Variants in PARP15 observed in about 807,000 individuals in gnomAD.
PARP15 encodes protein mono-ADP-ribosyltransferase PARP15.
PARP15 carries 50 observed loss-of-function variants against 62.1 expected under a neutral mutation model. The observed-to-expected ratio is 0.81, with a 90% CI of 0.64 to 1.02. The LOEUF is 1.02. PARP15 is among the 50% of genes least tolerant of loss of function. The probability of loss-of-function intolerance (pLI) is 0.00; values close to 1 mark genes in which losing one functional copy is unlikely to be tolerated. For missense variants in PARP15, 820 were observed against 826.5 expected (o/e 0.99, Z 0.10); for synonymous variants, 309 against 293.1 (o/e 1.05, Z -0.55).
At chr3:122,612,368 CTTT>C (rs111945019) in intron 3 of PARP15, among the ~76,000 whole-genome samples, 1 of 143,886 alleles carries the variant, frequency 6.9e-6, no homozygotes, top group Non-Finnish European at 1.5e-5. Flanking sequence ...TATTCTCTCT[CTTT>C]TTTTTTTTTT....
chr3:122,615,825 A>G lies in PARP15; in HGVS notation c.818A>G (p.Lys273Arg). ...AACTGGTCAAGAATAAATCCCAACA[A>G]GGCCAGGATTCCCATGGCAGGAGAT... ...FTNWSRINPNKARIPMAGDTQ... is the reference protein window; with the variant it reads ...FTNWSRINPNRARIPMAGDTQ... The change falls in exon 5 of 12, where the codon AAG becomes AGG. Residue 273 changes from lysine (K) to arginine (R), a missense_variant. Physicochemically the swap from Lys to Arg is conservative, Grantham distance 26. Around this residue, in one of 3 missense-constraint regions of PARP15, gnomAD observed 731 missense variants for 727.7 expected, o/e 1.00. Coordinates refer to ENST00000464300, the MANE Select transcript of PARP15 (RefSeq NM_001113523.3). The G allele has an allele frequency of 3.1e-6, 5 of 1,613,626 alleles. No homozygotes were observed. Among genetic ancestry groups the G allele is most frequent in the Non-Finnish European group, 4.2e-6 (5 of 1,179,724 alleles).
chr3:122,582,877 T>G (rs1364742551), intron 1 of PARP15, among the ~76,000 whole-genome samples: 2 of 152,148 alleles, frequency 1.3e-5, no homozygotes, highest in East Asian at 1.9e-4. Flanking sequence ...TAAATTTCAC[T>G]TGTCTTTTGT....
At chr3:122,630,235 G>A (rs1936987456) in intron 9 of PARP15, among the ~76,000 whole-genome samples, 1 of 152,160 alleles carries the variant, frequency 6.6e-6, no homozygotes, top group South Asian at 2.1e-4. Context: ...GTATTCCTGG[G>A]ACTCTGTTTT....
intron 6 of PARP15, among the ~76,000 whole-genome samples, chr3:122,619,165 C>T (rs979241879): frequency 1.3e-5 from 2 of 152,150 alleles, no homozygotes; most frequent in African/African-American, 4.8e-5. Context: ...GAGGGAAGTG[C>T]CATATTAGCC....
At chr3:122,588,122 AT>A (rs1327271683) in intron 1 of PARP15, among the ~76,000 whole-genome samples, 4 of 152,266 alleles carry the variant, frequency 2.6e-5, no homozygotes, top group African/African-American at 9.6e-5. Context: ...CTTTTTAAAA[AT>A]ATCTACATTT....
intron 1 of PARP15, chr3:122,594,486 G>A (rs1448788360): frequency 2.2e-6 from 2 of 929,598 alleles, no homozygotes; most frequent in African/African-American, 3.6e-5. Flanking sequence ...GGTAACTGTT[G>A]ATCCTGTTCC....
rs531771293 is a variant in PARP15, at chr3:122,599,259, T to A, written c.187-6677T>A. On this transcript the variant is annotated intron_variant, in intron 1 of 11. Coordinates refer to ENST00000464300, the MANE Select transcript of PARP15 (RefSeq NM_001113523.3). ...GGCACATGGCTGTGCTCCCATCTAC[T>A]TGGGAAGCCGAGGTGAGAGGAAGAT... is the stretch of plus-strand genomic sequence containing the variant. 5.3e-5 allele frequency among the ~76,000 whole-genome samples: 8 copies of A among 152,260 alleles called. No homozygotes were observed. In the East Asian group the frequency reaches 1.5e-3, roughly 29 times the overall value.
intron 4 of PARP15, 167 bp from the exon 5 acceptor site, chr3:122,615,612 A>G: frequency 7.0e-7 from 1 of 1,422,266 alleles, no homozygotes; most frequent in Non-Finnish European, 9.5e-7. Context: ...TTTGTGGAGA[A>G]AATTCCTAGG....
In PARP15 at chr3:122,632,197, G is replaced by C. The variant is rs1937098143; in HGVS notation, c.1550G>C (p.Cys517Ser). Residue 517 changes from cysteine to serine, a missense_variant, in exon 10 of 12, where the codon TGT becomes TCT. Cys to Ser is a moderately radical substitution (Grantham distance 112). Coordinates refer to ENST00000464300, the MANE Select transcript of PARP15 (RefSeq NM_001113523.3). ...NTIKDKFTRT[C>S]SSYAIEKIER... Reference sequence around the variant, plus strand: ...ATAAAGGACAAGTTCACCCGAACTTGTTCTTCCTACGCAATAGAGAAGGTA... The same window carrying C: ...ATAAAGGACAAGTTCACCCGAACTTCTTCTTCCTACGCAATAGAGAAGGTA... 1 of 1,613,766 alleles carries C rather than the reference G, an allele frequency of 6.2e-7. No homozygotes were observed. The highest frequency in any genetic ancestry group is 1.1e-5 in the South Asian group (1 of 91,056).
rs1428827420 is a variant in PARP15 at position 122,599,761 on chromosome 3, G to A, written c.187-6175G>A. Among the ~76,000 whole-genome samples, 3 of 152,258 alleles carry A rather than the reference G, an allele frequency of 2.0e-5. No individual in the cohort carries two copies. The East Asian group carries it at 5.8e-4, about 29-fold the overall frequency. On this transcript the variant is annotated intron_variant, in intron 1 of 11. Transcript: ENST00000464300. The stretch of plus-strand genomic sequence containing the variant: ...GCTAATTTTTCAATGTTTTCATAGA[G>A]ATGGGGTTTTGCTATGTTGGCCGGG...
In PARP15 at chr3:122,610,390, G is replaced by A. The variant is rs1576514632; in HGVS notation, c.307-104G>A. ...TGGGGCTGACATGTTAGTATGACAG[G>A]CAAAACATATCTGTACATTACCCCA... On this transcript the variant is annotated intron_variant, in intron 2 of 11. Coordinates refer to ENST00000464300, the MANE Select transcript of PARP15 (RefSeq NM_001113523.3). 1.9e-5 allele frequency: 20 copies of A among 1,064,134 alleles called. No homozygotes were observed. The South Asian group carries it at 3.3e-4, about 18-fold the overall frequency. 65.9% of individuals were successfully genotyped at this position (1,064,134 alleles called of 1,614,324 possible).
chr3:122,577,756 C>T lies in PARP15; in HGVS notation c.89C>T (p.Thr30Ile). The change falls in exon 1 of 12, where the codon ACT becomes ATT. Residue 30 changes from threonine (T) to isoleucine (I), a missense_variant. By Grantham distance (89) the Thr-to-Ile change is moderately conservative. This residue lies in a region of PARP15 where 731 missense variants were observed against 727.7 expected (regional missense o/e 1.00). Transcript: ENST00000464300. ...CTTATGCACGGAGTTGCAGGTGTTA[C>T]TTCCAGAGCCGGACGAGATCGGGAG... is the stretch of plus-strand genomic sequence containing the variant. ...RELMHGVAGV[T>I]SRAGRDREAG... The T allele has an allele frequency of 1.3e-6, 2 of 1,551,708 alleles. No homozygotes were observed. Among genetic ancestry groups the T allele is most frequent in the African/African-American group, 1.4e-5 (1 of 73,182 alleles).
At chr3:122,621,671 C>A (rs1936358333) in intron 8 of PARP15, 60 bp downstream of exon 8, 14 of 1,458,084 alleles carry the variant, frequency 9.6e-6, no homozygotes, top group Non-Finnish European at 1.1e-5. Flanking sequence ...TAGAATTAGT[C>A]TCACTCTTAA....
At chr3:122,597,832 T>G (rs1934480621) in intron 1 of PARP15, among the ~76,000 whole-genome samples, 1 of 152,178 alleles carries the variant, frequency 6.6e-6, no homozygotes, top group Admixed American at 6.5e-5. Context: ...CCATGGATCC[T>G]CAAGTCCCTT....
intron 1 of PARP15, among the ~76,000 whole-genome samples, chr3:122,604,439 T>G (rs1048754376): frequency 7.2e-5 from 11 of 152,190 alleles, no homozygotes; most frequent in Non-Finnish European, 1.6e-4. Context: ...GAAAACAGAC[T>G]GGGTGCAGTG....
At chr3:122,583,498 T>C (rs867116455) in intron 1 of PARP15, among the ~76,000 whole-genome samples, 1 of 152,168 alleles carries the variant, frequency 6.6e-6, no homozygotes, top group Non-Finnish European at 1.5e-5. Flanking sequence ...GCTACTTTTT[T>C]CATGCCTAGT....
chr3:122,616,004 C>A, intron 5 of PARP15, 147 bp downstream of exon 5: 1 of 751,466 alleles, frequency 1.3e-6, no homozygotes, highest in Admixed American at 3.0e-5. Flanking sequence ...GTCCCATTGT[C>A]TGGGCACACA....
chr3:122,588,986 A>G (rs1038286301), intron 1 of PARP15, among the ~76,000 whole-genome samples: 2 of 152,166 alleles, frequency 1.3e-5, no homozygotes, highest in African/African-American at 4.8e-5. Context: ...GTTGGTGGAC[A>G]TTTGGGTTGT....
chr3:122,606,607 GT>G lies in PARP15; in HGVS notation c.306+554del, dbSNP rs547519314. Among the ~76,000 whole-genome samples the G allele has an allele frequency of 2.5e-4, 38 of 152,242 alleles. No homozygotes were observed. The East Asian group carries it at 6.4e-3, about 26-fold the overall frequency. On this transcript the variant is annotated intron_variant, in intron 2 of 11. Transcript: ENST00000464300. ...ATACAGGCCCTATATTCCTCCTATAGTTGACATCCATCGTGCTCAATCCTGG... is the reference window on the plus strand; with the variant it reads ...ATACAGGCCCTATATTCCTCCTATAGTGACATCCATCGTGCTCAATCCTGG...
Sources: gnomAD v4.1 joint callset for allele counts (sites outside exome capture counted in the v4.1 genomes callset) on GRCh38, gnomAD v4.1.1 for gene constraint, gnomAD v4.1.1 regional missense constraint, MANE v1.5 for transcripts, NCBI Gene and HGNC (gene_info 2026-07-23, HGNC 2026-07-21) for gene names.